The following SHISA7 variants were observed in gnomAD, a reference collection of about 807,000 sequenced individuals.
SHISA7 encodes protein shisa-7.
A neutral mutation model predicts 23.9 loss-of-function variants in SHISA7; 6 were observed. The ratio of observed to expected loss-of-function variants is 0.25; its 90% CI spans 0.14 to 0.50. SHISA7 has a LOEUF of 0.50. SHISA7 is among the 20% of genes least tolerant of loss of function. The pLI is 0.98. For synonymous variants in SHISA7, 386 were observed against 398.3 expected, an observed-to-expected ratio of 0.97 and a Z score of 0.37; for missense variants, 671 against 801.1, an observed-to-expected ratio of 0.84 and a Z score of 1.96.
chr19:55,434,411 G>GT (rs1985312965), intron 3 of SHISA7, among the ~76,000 whole-genome samples: 1 of 141,636 alleles, frequency 7.1e-6, no homozygotes. Context: ...TGGTGTGTGT[G>GT]GTGTGTGTGT....
At chr19:55,434,412 G>A (rs1175756449) in intron 3 of SHISA7, among the ~76,000 whole-genome samples, 1 of 132,982 alleles carries the variant, frequency 7.5e-6, no homozygotes, top group Non-Finnish European at 1.6e-5. Context: ...GGTGTGTGTG[G>A]TGTGTGTGTA....
At chr19:55,435,050 TG>T (rs1985392984) in intron 3 of SHISA7, among the ~76,000 whole-genome samples, 4 of 61,304 alleles carry the variant, frequency 6.5e-5, no homozygotes, top group South Asian at 6.1e-4. Context: ...GGTGTGTGTG[TG>T]GTGTGTGTGT....
chr19:55,440,894 G>T, intron 1 of SHISA7, 129 bp from the exon 2 acceptor site: 2 of 894,916 alleles, frequency 2.2e-6, no homozygotes, highest in Non-Finnish European at 1.5e-6. Flanking sequence ...TTCGCCATTG[G>T]CCACGCCCCT....
intron 2 of SHISA7, among the ~76,000 whole-genome samples, chr19:55,439,121 G>A (rs1246942064): frequency 6.6e-6 from 1 of 152,136 alleles, no homozygotes; most frequent in Non-Finnish European, 1.5e-5. Flanking sequence ...ACGGGACAAA[G>A]TTGAACCCAG....
chr19:55,437,467 C>G, intron 3 of SHISA7, 138 bp downstream of exon 3: 1 of 1,173,158 alleles, frequency 8.5e-7, no homozygotes, highest in Non-Finnish European at 1.1e-6. Context: ...ACAGGTAATT[C>G]CAGAACGAAC....
At chr19:55,434,449 GGT>G (rs1486690617) in intron 3 of SHISA7, among the ~76,000 whole-genome samples, 1 of 129,566 alleles carries the variant, frequency 7.7e-6, no homozygotes, top group Admixed American at 7.8e-5. Flanking sequence ...TGTGTGTGTG[GGT>G]GTGTGGTTGT....
chr19:55,436,449 A>C (rs1327066418), intron 3 of SHISA7, among the ~76,000 whole-genome samples: 1 of 151,854 alleles, frequency 6.6e-6, no homozygotes, highest in Non-Finnish European at 1.5e-5. Context: ...CTAAAAATAC[A>C]AAAATTAGCC....
In SHISA7 at chr19:55,433,719, G is replaced by A; in HGVS notation, c.1054C>T (p.Leu352=). 6.8e-7 allele frequency: 1 copy of A among 1,475,490 alleles called. No homozygotes were observed. Among genetic ancestry groups the A allele is most frequent in the South Asian group, 1.3e-5 (1 of 77,562 alleles). The allele number at this position is 1,475,490 out of a possible 1,614,324, so 91.4% of individuals were successfully genotyped here. A position where few individuals can be genotyped will look rare whatever the true frequency, so the allele number is the denominator to read the frequency against. Reference sequence around the variant, plus strand: ...CCGCCCCCCGTGCCCGGCCGCCGCAGCGCGTGCAGGGGCAGCGTGCCGCGG... The same window carrying A: ...CCGCCCCCCGTGCCCGGCCGCCGCAACGCGTGCAGGGGCAGCGTGCCGCGG... ...LPRGTLPLHA[L]RRPGTGGGYR... The change falls in exon 4 of 4, where the codon CTG becomes TTG. Residue 352 remains leucine (L), a synonymous_variant. Transcript: ENST00000376325. This position sits in a 1 kb window ranked among gnomAD's most constrained non-coding sequence, Gnocchi z 8.4.
rs1985202552 is a variant in SHISA7, at chr19:55,431,367, T to G, written c.*1789A>C. On this transcript the variant is annotated 3_prime_UTR_variant, in exon 4 of 4. Transcript: ENST00000376325. ...GTGTAGTGGATTCTGGAAGGTAATGTCATCACTGGTCATGGTGGAATCTAG... is the reference window on the plus strand; with the variant it reads ...GTGTAGTGGATTCTGGAAGGTAATGGCATCACTGGTCATGGTGGAATCTAG... 1 of 151,858 alleles carries G rather than the reference T, an allele frequency of 6.6e-6. No homozygotes were observed. Among genetic ancestry groups the G allele is most frequent in the South Asian group, 2.1e-4 (1 of 4,814 alleles). 9.4% of individuals were successfully genotyped at this position (151,858 alleles called of 1,614,324 possible).
At chr19:55,438,653 G>A (rs1452798964) in intron 2 of SHISA7, 4 of 1,302,720 alleles carry the variant, frequency 3.1e-6, no homozygotes, top group East Asian at 5.6e-5. Context: ...GGGAGATGAT[G>A]TCACTGCCAT....
chr19:55,441,272 C>T (rs1404189278), intron 1 of SHISA7, among the ~76,000 whole-genome samples: 2 of 152,222 alleles, frequency 1.3e-5, no homozygotes, highest in South Asian at 2.1e-4. Context: ...AGCCCCCTCA[C>T]GGGTCTCCCC....
At chr19:55,437,575 C>A in intron 3 of SHISA7, 30 bp downstream of exon 3, 1 of 1,546,568 alleles carries the variant, frequency 6.5e-7, no homozygotes, top group Non-Finnish European at 8.7e-7. Flanking sequence ...CCCTCCCCTT[C>A]ACCGCCGCGC....
In SHISA7 at chr19:55,435,589, C is replaced by CAAA. The variant is rs1160895563; in HGVS notation, c.977-1796_977-1794dup. Among the ~76,000 whole-genome samples the CAAA allele has an allele frequency of 3.8e-3, 251 of 66,088 alleles. 1 individual carries two copies. Among genetic ancestry groups the CAAA allele is most frequent in the East Asian group, 4.6e-3 (7 of 1,538 alleles). 43.4% of individuals were successfully genotyped at this position (66,088 alleles called of 152,430 possible). A position where few individuals can be genotyped will look rare whatever the true frequency, so the allele number is the denominator to read the frequency against. The stretch of plus-strand genomic sequence containing the variant: ...GCAATATAGTGAGACTCCATCTCTA[C>CAAA]AAAAAAAAAAAAAAAAAAAAAAAAA... On this transcript the variant is annotated intron_variant, in intron 3 of 3. Coordinates refer to ENST00000376325, the MANE Select transcript of SHISA7 (RefSeq NM_001145176.2).
rs1352257453 is a variant in SHISA7, at chr19:55,442,432, A to C, written c.432T>G (p.Ala144=). ...CACCCCCAGCGCCCCCGGCGCCCCCAGCTAGCGGCGGCGGCGTGGTGGCCC... is the reference window on the plus strand; with the variant it reads ...CACCCCCAGCGCCCCCGGCGCCCCCCGCTAGCGGCGGCGGCGTGGTGGCCC... The part of the protein sequence containing the change: ...PRWATTPPPL[A]GGAGGAGGAG... The change falls in exon 1 of 4, where the codon GCT becomes GCG. Residue 144 remains alanine (A), a synonymous_variant. Coordinates refer to ENST00000376325, the MANE Select transcript of SHISA7 (RefSeq NM_001145176.2). 1.4e-6 allele frequency: 2 copies of C among 1,410,496 alleles called. No homozygotes were observed. The highest frequency in any genetic ancestry group is 1.9e-6 in the Non-Finnish European group (2 of 1,079,264). The allele number at this position is 1,410,496 out of a possible 1,614,324, so 87.4% of individuals were successfully genotyped here.
intron 3 of SHISA7, among the ~76,000 whole-genome samples, chr19:55,434,905 G>A (rs1276479461): frequency 1.6e-5 from 2 of 125,308 alleles, no homozygotes; most frequent in Admixed American, 8.5e-5. Context: ...TGTGTGGTGT[G>A]TGTGTATATG....
chr19:55,440,584 C>A (rs1409555538), intron 2 of SHISA7, 27 bp downstream of exon 2: 1 of 1,249,486 alleles, frequency 8.0e-7, no homozygotes. Flanking sequence ...GAGACGGAGG[C>A]TGCGCCGGAT....
At chr19:55,434,046 C>T (rs1194007506) in intron 3 of SHISA7, among the ~76,000 whole-genome samples, 1 of 152,146 alleles carries the variant, frequency 6.6e-6, no homozygotes, top group Non-Finnish European at 1.5e-5. Context: ...GAACCCAACT[C>T]TTGCTTTTGG....
At position 55,432,405 on chromosome 19, in the gene SHISA7, C is replaced by T. The variant is rs757035877; in HGVS notation, c.*751G>A. ...GGTGATGACATCACAGGAAGAGGCACGGTCCCTCTGATGACGTCATAGGGC... is the reference window on the plus strand; with the variant it reads ...GGTGATGACATCACAGGAAGAGGCATGGTCCCTCTGATGACGTCATAGGGC... On this transcript the variant is annotated 3_prime_UTR_variant, in exon 4 of 4. Coordinates refer to ENST00000376325, the MANE Select transcript of SHISA7 (RefSeq NM_001145176.2). This position sits in a 1 kb window ranked among gnomAD's most constrained non-coding sequence, Gnocchi z 4.6. The T allele has an allele frequency of 4.6e-5, 7 of 152,558 alleles. No individual in the cohort carries two copies. The highest frequency in any genetic ancestry group is 1.7e-4 in the African/African-American group (7 of 41,398). 9.5% of individuals were successfully genotyped at this position (152,558 alleles called of 1,614,324 possible).
At chr19:55,440,024 T>C (rs984584718) in intron 2 of SHISA7, among the ~76,000 whole-genome samples, 4 of 150,486 alleles carry the variant, frequency 2.7e-5, no homozygotes, top group African/African-American at 9.7e-5. Context: ...ATATTTTAAA[T>C]ATATAATTAT....
Sources: gnomAD v4.1 joint callset for allele counts (sites outside exome capture counted in the v4.1 genomes callset) on GRCh38, gnomAD v4.1.1 for gene constraint, Gnocchi (gnomAD v3.1) non-coding constraint, MANE v1.5 for transcripts, NCBI Gene and HGNC (gene_info 2026-07-23, HGNC 2026-07-21) for gene names.